Variants in ZC3H12B observed in about 807,000 individuals in gnomAD.
ZC3H12B encodes probable ribonuclease ZC3H12B.
A neutral mutation model predicts 43.9 loss-of-function variants in ZC3H12B; 7 were observed. The ratio of observed to expected loss-of-function variants is 0.16; its 90% CI spans 0.09 to 0.30. The LOEUF (loss-of-function observed/expected upper bound fraction) is 0.30. Ranked by LOEUF, ZC3H12B falls within the 10% of genes least tolerant of loss-of-function variation. ZC3H12B has a pLI of 1.00. For missense variants in ZC3H12B, 475 were observed against 670.2 expected (o/e 0.71, Z 3.22); for synonymous variants, 222 against 241.7 (o/e 0.92, Z 0.76).
the ZC3H12B span, among the ~76,000 whole-genome samples, chrX:65,212,173 A>C: frequency 2.1e-5 from 1 of 48,747 alleles, no homozygotes. Flanking sequence ...AATATATAAT[A>C]TTATATATTA....
chrX:65,228,209 G>T, the ZC3H12B span, among the ~76,000 whole-genome samples: 7 of 111,580 alleles, frequency 6.3e-5, no homozygotes, highest in Non-Finnish European at 1.1e-4. Flanking sequence ...TTCATCCCTG[G>T]GATGCAAGGC....
At chrX:65,141,380 G>A in the ZC3H12B span, among the ~76,000 whole-genome samples, 2 of 109,075 alleles carry the variant, frequency 1.8e-5, no homozygotes, top group Non-Finnish European at 1.9e-5. Flanking sequence ...AATCACAATA[G>A]CATTTTGAAG....
At chrX:65,187,784 GCATT>G in the ZC3H12B span, among the ~76,000 whole-genome samples, 1 of 109,382 alleles carries the variant, frequency 9.1e-6, no homozygotes, top group African/African-American at 3.3e-5. Context: ...GTGATCTCAA[GCATT>G]CATTCATTCT....
the ZC3H12B span, among the ~76,000 whole-genome samples, chrX:65,204,232 T>C: frequency 8.9e-6 from 1 of 112,124 alleles, no homozygotes; most frequent in Admixed American, 9.5e-5. Context: ...TCTCATGAAG[T>C]TGCTTTTCTA....
At chrX:65,069,378 C>T in the ZC3H12B span, among the ~76,000 whole-genome samples, 5 of 108,201 alleles carry the variant, frequency 4.6e-5, no homozygotes, top group East Asian at 9.1e-4. Flanking sequence ...TCCAAGCTTA[C>T]TCATTCTTTC....
At chrX:65,161,233 A>G in the ZC3H12B span, among the ~76,000 whole-genome samples, 2 of 111,411 alleles carry the variant, frequency 1.8e-5, no homozygotes, top group African/African-American at 6.5e-5. Context: ...AAAAATGTAT[A>G]TTCTGTTGAT....
At chrX:65,503,303 G>A (rs778715695) in exon 5 of ZC3H12B, 58 of 802,723 alleles carry the variant, frequency 7.2e-5, no homozygotes, top group African/African-American at 1.1e-4. Flanking sequence ...TTTGTGTTGC[G>A]CTTTACAAGT....
the ZC3H12B span, among the ~76,000 whole-genome samples, chrX:65,257,045 T>C: frequency 1.8e-5 from 2 of 111,862 alleles, no homozygotes; most frequent in African/African-American, 3.3e-5. Flanking sequence ...GACAGTGTGG[T>C]GATTCCTCAG....
At chrX:65,358,653 G>A in the ZC3H12B span, among the ~76,000 whole-genome samples, 3 of 110,743 alleles carry the variant, frequency 2.7e-5, no homozygotes, top group East Asian at 5.6e-4. Context: ...AGGAAAAAAC[G>A]TACCAGAATC....
chrX:65,232,562 C>T, the ZC3H12B span, among the ~76,000 whole-genome samples: 1 of 111,293 alleles, frequency 9.0e-6, no homozygotes, highest in Non-Finnish European at 1.9e-5. Flanking sequence ...TATTTGCAAG[C>T]CTCATGGTAT....
the ZC3H12B span, among the ~76,000 whole-genome samples, chrX:65,190,805 A>C: frequency 3.8e-5 from 4 of 104,525 alleles, no homozygotes; most frequent in African/African-American, 1.1e-4. Context: ...TCTCCTGCCT[A>C]ATTGCCCTGG....
intron 3 of ZC3H12B, among the ~76,000 whole-genome samples, chrX:65,422,925 C>CTTTTTTTTTT (rs34567013): frequency 1.4e-3 from 65 of 46,180 alleles, no homozygotes; most frequent in African/African-American, 2.1e-3. Context: ...TCTTTCTTTG[C>CTTTTTTTTTT]TTTTTTTTTT....
chrX:65,192,924 C>T, the ZC3H12B span, among the ~76,000 whole-genome samples: 1 of 110,276 alleles, frequency 9.1e-6, no homozygotes, highest in South Asian at 3.9e-4. Flanking sequence ...CAGGTGCGTG[C>T]CACCACCCCC....
chrX:65,116,255 C>G, the ZC3H12B span, among the ~76,000 whole-genome samples: 1 of 111,516 alleles, frequency 9.0e-6, no homozygotes, highest in African/African-American at 3.3e-5. Context: ...CACTTGGATT[C>G]TTCAACATAT....
At chrX:65,503,255 T>C in exon 5 of ZC3H12B, 1 of 952,238 alleles carries the variant, frequency 1.1e-6, no homozygotes, top group South Asian at 2.7e-5. Flanking sequence ...ATATTAATAC[T>C]AATAATACAC....
intron 3 of ZC3H12B, among the ~76,000 whole-genome samples, chrX:65,442,687 A>G (rs2067317987): frequency 8.9e-6 from 1 of 112,428 alleles, no homozygotes; most frequent in African/African-American, 3.2e-5. Context: ...GAATTATCCG[A>G]CTGGAAACAG....
the ZC3H12B span, among the ~76,000 whole-genome samples, chrX:65,169,645 C>T: frequency 2.7e-5 from 3 of 111,571 alleles, no homozygotes; most frequent in South Asian, 1.1e-3. Flanking sequence ...GTTAAAGTCT[C>T]CCATTTTTAC....
At chrX:65,224,750 G>A in the ZC3H12B span, among the ~76,000 whole-genome samples, 5 of 112,064 alleles carry the variant, frequency 4.5e-5, no homozygotes, top group Non-Finnish European at 7.5e-5. Flanking sequence ...AGGGTCCTAG[G>A]CCCATGGAGT....
At chrX:65,379,449 C>T in intron 2 of ZC3H12B, among the ~76,000 whole-genome samples, 1 of 111,948 alleles carries the variant, frequency 8.9e-6, no homozygotes, top group Middle Eastern at 4.6e-3. Flanking sequence ...CACCAAAAAC[C>T]CATCTGTACA....
Sources: allele counts gnomAD v4.1 joint callset (sites outside exome capture counted in the v4.1 genomes callset), GRCh38; gene constraint gnomAD v4.1.1; transcripts MANE v1.5; gene names NCBI Gene and HGNC (gene_info 2026-07-23, HGNC 2026-07-21).